APOBEC1: variants seen among roughly 807,000 people sequenced by gnomAD.
The protein encoded by APOBEC1 is C->U-editing enzyme APOBEC-1.
In APOBEC1, 22 loss-of-function variants were observed where a neutral mutation model predicts 26.3. The observed-to-expected ratio is 0.84, with a 90% CI of 0.60 to 1.19. The LOEUF (loss-of-function observed/expected upper bound fraction) is 1.19, where lower values mean the gene tolerates loss of function less well. APOBEC1 is among the 50% of genes most tolerant of loss of function. The pLI is 0.00. For synonymous variants in APOBEC1, 77 were observed against 95.3 expected, an observed-to-expected ratio of 0.81 and a Z score of 1.12; for missense variants, 253 against 289.0, an observed-to-expected ratio of 0.88 and a Z score of 0.90.
At chr12:7,659,874 C>A (rs1283050607) in intron 1 of APOBEC1, among the ~76,000 whole-genome samples, 1 of 152,156 alleles carries the variant, frequency 6.6e-6, no homozygotes, top group East Asian at 1.9e-4. Context: ...GAGGCTGAGG[C>A]AGGAGAATGG....
chr12:7,659,523 T>C (rs1486349549), intron 1 of APOBEC1, among the ~76,000 whole-genome samples: 2 of 151,248 alleles, frequency 1.3e-5, no homozygotes, highest in African/African-American at 2.4e-5. Context: ...TGTGTGTGTA[T>C]AGGTGTGCGT....
intron 2 of APOBEC1, among the ~76,000 whole-genome samples, chr12:7,653,228 C>A (rs1174944840): frequency 6.6e-6 from 1 of 151,842 alleles, no homozygotes; most frequent in Admixed American, 6.6e-5. Context: ...CCACGCCCAG[C>A]CTCTGCTCCC....
chr12:7,661,814 G>A (rs1178922798), intron 1 of APOBEC1, among the ~76,000 whole-genome samples: 1 of 152,174 alleles, frequency 6.6e-6, no homozygotes, highest in Non-Finnish European at 1.5e-5. Flanking sequence ...CTGCTCTTAG[G>A]TATAGAACCT....
chr12:7,659,476 A>C (rs1054062790), intron 1 of APOBEC1, among the ~76,000 whole-genome samples: 4 of 151,006 alleles, frequency 2.6e-5, no homozygotes, highest in Non-Finnish European at 5.9e-5. Flanking sequence ...TTAAAACCAC[A>C]ATGAGATATT....
rs1354872967 is a variant in APOBEC1, at chr12:7,652,695, A to G, written c.185T>C (p.Val62Ala). 1.9e-6 allele frequency: 3 copies of G among 1,614,132 alleles called. No individual in the cohort carries two copies. The change falls in exon 3 of 5, where the codon GTG becomes GCG. Residue 62 changes from valine to alanine, a missense_variant. Val to Ala is a moderately conservative substitution (Grantham distance 64, BLOSUM62 0). Transcript: ENST00000229304. ...AAATTTTTTTATAAAATTAACTTCC[A>G]CGTGATTGGTGGTGTTTTTGCCTGA... ...RSSGKNTTNH[V>A]EVNFIKKFTS... is the part of the protein sequence containing the mutation.
chr12:7,654,307 T>C (rs1401143398), intron 2 of APOBEC1, among the ~76,000 whole-genome samples: 2 of 145,128 alleles, frequency 1.4e-5, no homozygotes, highest in Non-Finnish European at 3.0e-5. Flanking sequence ...AAGGCAAAAA[T>C]GAAAGAAAGA....
At chr12:7,668,523 A>C (rs1863919768), upstream of APOBEC1, among the ~76,000 whole-genome samples, 1 of 152,172 alleles carries the variant, frequency 6.6e-6, no homozygotes, top group Admixed American at 6.6e-5. Flanking sequence ...TTGTTTAAGA[A>C]AACTTGGAAC....
At chr12:7,651,809 TTTTTATTTTA>T (rs1206940419) in intron 3 of APOBEC1, among the ~76,000 whole-genome samples, 1 of 147,368 alleles carries the variant, frequency 6.8e-6, no homozygotes, top group Non-Finnish European at 1.5e-5. Context: ...TTTATTTTAT[TTTTTATTTTA>T]TTTTATTTTA....
At chr12:7,668,363 T>G (rs1169893562), upstream of APOBEC1, among the ~76,000 whole-genome samples, 3 of 152,166 alleles carry the variant, frequency 2.0e-5, no homozygotes, top group Non-Finnish European at 4.4e-5. Flanking sequence ...TTTATACCAT[T>G]AAGTCTGTGG....
intron 1 of APOBEC1, among the ~76,000 whole-genome samples, chr12:7,658,050 T>C (rs777778076): frequency 0.047 from 3,838 of 81,850 alleles, 89 homozygotes; most frequent in African/African-American, 0.1. Flanking sequence ...TTGTTCTGTT[T>C]TGTTTTGTTT....
At chr12:7,654,675 C>T in intron 1 of APOBEC1, 43 bp from the exon 2 acceptor site, 1 of 1,596,876 alleles carries the variant, frequency 6.3e-7, no homozygotes, top group Non-Finnish European at 8.6e-7. Context: ...ACTCAAATAT[C>T]AAATGAGTTG....
At chr12:7,662,794 C>G (rs191027999) in intron 1 of APOBEC1, among the ~76,000 whole-genome samples, 2 of 152,184 alleles carry the variant, frequency 1.3e-5, no homozygotes, top group East Asian at 3.9e-4. Context: ...TGCAAACGAC[C>G]TGAAGTGTGG....
chr12:7,655,487 C>G (rs1247713085), intron 1 of APOBEC1, among the ~76,000 whole-genome samples: 2 of 151,206 alleles, frequency 1.3e-5, no homozygotes, highest in Non-Finnish European at 2.9e-5. Context: ...TGCACTCTAG[C>G]CTGAGTGACA....
intron 1 of APOBEC1, among the ~76,000 whole-genome samples, chr12:7,659,754 G>A (rs1319773177): frequency 2.6e-5 from 4 of 152,120 alleles, no homozygotes; most frequent in African/African-American, 7.2e-5. Context: ...CGGATCATGA[G>A]GTCAGGAGAT....
upstream of APOBEC1, among the ~76,000 whole-genome samples, chr12:7,669,521 G>T (rs574619051): frequency 1.3e-5 from 2 of 152,154 alleles, no homozygotes; most frequent in African/African-American, 4.8e-5. Context: ...ACCCAAGAGT[G>T]AAATTGCTGG....
chr12:7,661,875 G>A (rs1863824647), intron 1 of APOBEC1, among the ~76,000 whole-genome samples: 1 of 152,168 alleles, frequency 6.6e-6, no homozygotes, highest in Non-Finnish European at 1.5e-5. Flanking sequence ...CAATTGATGT[G>A]GAAATGAGCA....
intron 3 of APOBEC1, 113 bp downstream of exon 3, chr12:7,652,325 G>A: frequency 1.1e-6 from 1 of 949,034 alleles, no homozygotes; most frequent in South Asian, 2.0e-5. Context: ...CATTATTTTG[G>A]ACTTTTACTT....
At chr12:7,651,945 C>A (rs913611814) in intron 3 of APOBEC1, among the ~76,000 whole-genome samples, 11 of 151,926 alleles carry the variant, frequency 7.2e-5, no homozygotes, top group East Asian at 5.9e-4. Context: ...CTCAGCCTCC[C>A]GAGTAGCTGG....
chr12:7,650,300 G>A (rs1244057559), intron 4 of APOBEC1, among the ~76,000 whole-genome samples: 1 of 152,178 alleles, frequency 6.6e-6, no homozygotes, highest in Non-Finnish European at 1.5e-5. Flanking sequence ...CTACCCAGAA[G>A]GCTGAGGTCA....
Sources: gnomAD v4.1 joint callset for allele counts (sites outside exome capture counted in the v4.1 genomes callset) on GRCh38, gnomAD v4.1.1 for gene constraint, MANE v1.5 for transcripts, NCBI Gene and HGNC (gene_info 2026-07-23, HGNC 2026-07-21) for gene names.